UGT3A2: variants seen among roughly 807,000 people sequenced by gnomAD.
The protein encoded by UGT3A2 is UDP glycosyltransferase family 3 member A2.
A neutral mutation model predicts 39.8 loss-of-function variants in UGT3A2; 32 were observed. The ratio of observed to expected loss-of-function variants is 0.80; its 90% CI spans 0.61 to 1.08. The LOEUF (loss-of-function observed/expected upper bound fraction) is 1.08, where lower values mean the gene tolerates loss of function less well. UGT3A2 is among the 50% of genes least tolerant of loss of function. The pLI is 0.00. For missense variants in UGT3A2, 611 were observed against 637.1 expected (o/e 0.96, Z 0.44); for synonymous variants, 241 against 230.7 (o/e 1.04, Z -0.40).
At position 36,035,653 on chromosome 5, in the gene UGT3A2, G is replaced by A. The variant is rs753481079; in HGVS notation, c.*45C>T. 10 of 1,592,558 alleles carry A rather than the reference G, an allele frequency of 6.3e-6. No individual in the cohort carries two copies. Among genetic ancestry groups the A allele is most frequent in the African/African-American group, 1.3e-5 (1 of 74,362 alleles). On this transcript the variant is annotated 3_prime_UTR_variant, in exon 7 of 7. Transcript: ENST00000282507. The stretch of plus-strand genomic sequence containing the variant: ...ACTAGTGGGAAGCTCCCTAGAAATG[G>A]TGACATCGCCCACCAAACAGACCCC...
At chr5:36,062,026 T>C (rs1194966976) in intron 2 of UGT3A2, among the ~76,000 whole-genome samples, 1 of 151,930 alleles carries the variant, frequency 6.6e-6, no homozygotes, top group African/African-American at 2.4e-5. Flanking sequence ...GTTTTTTGGC[T>C]GCATAAATGT....
chr5:36,064,114 T>C (rs1742802632), intron 2 of UGT3A2, 135 bp downstream of exon 2: 1 of 781,630 alleles, frequency 1.3e-6, no homozygotes, highest in Non-Finnish European at 2.0e-6. Flanking sequence ...GCACTTTACA[T>C]ACACACACAC....
chr5:36,060,883 C>T (rs192354275), intron 2 of UGT3A2, among the ~76,000 whole-genome samples: 3 of 152,276 alleles, frequency 2.0e-5, no homozygotes, highest in South Asian at 2.1e-4. Flanking sequence ...GGGCCAGGTG[C>T]GGTGGCTCAC....
chr5:36,058,582 T>C (rs1742585505), intron 2 of UGT3A2, among the ~76,000 whole-genome samples: 1 of 152,028 alleles, frequency 6.6e-6, no homozygotes, highest in African/African-American at 2.4e-5. Flanking sequence ...AGCCTGTTAG[T>C]AATAATATGA....
In UGT3A2 at chr5:36,048,912, T is replaced by G; in HGVS notation, c.820A>C (p.Lys274Gln). The G allele has an allele frequency of 6.2e-7, 1 of 1,614,040 alleles. No homozygotes were observed. Among genetic ancestry groups the G allele is most frequent in the East Asian group, 2.2e-5 (1 of 44,876 alleles). ...NTVYVGGLME[K>Q]PIKPVPQDLE... ...ACTTGTGGTACTGGTTTAATAGGTT[T>G]TTCCATCAAGCCTCCAACATAAACA... Residue 274 changes from lysine (K) to glutamine (Q), a missense_variant, in exon 4 of 7, where the codon AAA (lysine) becomes CAA (glutamine). Coordinates refer to ENST00000282507, the MANE Select transcript of UGT3A2 (RefSeq NM_174914.4).
At chr5:36,064,152 T>A in intron 2 of UGT3A2, 97 bp downstream of exon 2, 1 of 1,128,336 alleles carries the variant, frequency 8.9e-7, no homozygotes, top group Non-Finnish European at 1.3e-6. Context: ...CCAATTGAAT[T>A]AGATTTTTAA....
intron 2 of UGT3A2, among the ~76,000 whole-genome samples, chr5:36,056,516 C>T (rs931366473): frequency 3.3e-5 from 5 of 152,268 alleles, no homozygotes; most frequent in Middle Eastern, 3.4e-3. Flanking sequence ...GAATTTGTTG[C>T]GTTATGTGGG....
chr5:36,040,322 G>A (rs1469700573), intron 4 of UGT3A2, among the ~76,000 whole-genome samples: 1 of 152,094 alleles, frequency 6.6e-6, no homozygotes, highest in African/African-American at 2.4e-5. Flanking sequence ...GAGCAAGATG[G>A]CAGAATAGAA....
intron 5 of UGT3A2, 99 bp from the exon 6 acceptor site, chr5:36,038,115 G>C: frequency 7.9e-7 from 1 of 1,260,478 alleles, no homozygotes; most frequent in Non-Finnish European, 1.1e-6. Context: ...GGGATCTAGT[G>C]GTGTGTTGGA....
chr5:36,050,151 A>T (rs1021674145), intron 3 of UGT3A2, among the ~76,000 whole-genome samples: 2 of 149,568 alleles, frequency 1.3e-5, no homozygotes, highest in African/African-American at 2.4e-5. Context: ...ACTTATTTAT[A>T]TTATTATTTT....
intron 4 of UGT3A2, among the ~76,000 whole-genome samples, chr5:36,044,941 TA>T (rs1458991027): frequency 1.3e-5 from 2 of 152,138 alleles, no homozygotes; most frequent in Admixed American, 1.3e-4. Context: ...TCAATCTCTA[TA>T]AAAATACCAA....
intron 2 of UGT3A2, among the ~76,000 whole-genome samples, chr5:36,060,729 G>GTAA (rs1317542121): frequency 6.6e-6 from 1 of 152,190 alleles, no homozygotes; most frequent in Admixed American, 6.5e-5. Flanking sequence ...GTTTCAAGAA[G>GTAA]TAATAGTGGC....
chr5:36,063,316 C>T (rs1422158553), intron 2 of UGT3A2, among the ~76,000 whole-genome samples: 1 of 152,148 alleles, frequency 6.6e-6, no homozygotes, highest in Non-Finnish European at 1.5e-5. Flanking sequence ...GTTAAGTTCT[C>T]AGGGTTTCTG....
chr5:36,049,664 T>A (rs1021983169), intron 3 of UGT3A2, among the ~76,000 whole-genome samples: 3 of 152,098 alleles, frequency 2.0e-5, no homozygotes, highest in African/African-American at 7.2e-5. Flanking sequence ...CCAACCACCA[T>A]CAATGCCGAC....
intron 2 of UGT3A2, among the ~76,000 whole-genome samples, chr5:36,054,948 C>T (rs79948057): frequency 0.014 from 2,156 of 152,222 alleles, 64 homozygotes; most frequent in East Asian, 0.11. Context: ...TCCTTCCTGT[C>T]ATATTCTCCT....
chr5:36,063,952 T>G (rs187782670), intron 2 of UGT3A2, among the ~76,000 whole-genome samples: 1 of 152,320 alleles, frequency 6.6e-6, no homozygotes, highest in Admixed American at 6.5e-5. Flanking sequence ...AATATATTTT[T>G]TAAGCCATCT....
chr5:36,058,497 C>T (rs950291762), intron 2 of UGT3A2, among the ~76,000 whole-genome samples: 10 of 152,110 alleles, frequency 6.6e-5, no homozygotes, highest in African/African-American at 1.2e-4. Context: ...TGACAAACTG[C>T]GTCTGCCACC....
chr5:36,065,597 A>G (rs1236729854), intron 1 of UGT3A2, among the ~76,000 whole-genome samples: 1 of 152,218 alleles, frequency 6.6e-6, no homozygotes, highest in Non-Finnish European at 1.5e-5. Flanking sequence ...AGAGGGGGAA[A>G]AAGTCTTCAA....
intron 2 of UGT3A2, among the ~76,000 whole-genome samples, chr5:36,061,147 G>A (rs1471544854): frequency 1.3e-5 from 2 of 152,164 alleles, no homozygotes; most frequent in South Asian, 4.1e-4. Context: ...ACTCCAACCT[G>A]GGAGACAGAG....
Sources: gnomAD v4.1 joint callset for allele counts (sites outside exome capture counted in the v4.1 genomes callset) on GRCh38, gnomAD v4.1.1 for gene constraint, MANE v1.5 for transcripts, NCBI Gene and HGNC (gene_info 2026-07-23, HGNC 2026-07-21) for gene names.